SEPTIN2: variants seen among roughly 807,000 people sequenced by gnomAD.
SEPTIN2 encodes the protein septin-2.
A neutral mutation model predicts 46.5 loss-of-function variants in SEPTIN2; 34 were observed. The ratio of observed to expected loss-of-function variants is 0.73; its 90% CI spans 0.56 to 0.97. The LOEUF is 0.97. Among genes scored for constraint, SEPTIN2 ranks in the 50% least tolerant of loss-of-function variants. The pLI is 0.00. For synonymous variants in SEPTIN2, 175 were observed against 153.4 expected, an observed-to-expected ratio of 1.14 and a Z score of -1.04; for missense variants, 347 against 448.4, an observed-to-expected ratio of 0.77 and a Z score of 2.04.
chr2:241,315,414 G>A (rs931588461), upstream of SEPTIN2: 4 of 152,026 alleles, frequency 2.6e-5, no homozygotes, highest in African/African-American at 9.7e-5. Flanking sequence ...CAGGAGGAGA[G>A]GCGAAGGCTC....
chr2:241,338,142 A>C (rs1193383080), intron 7 of SEPTIN2, among the ~76,000 whole-genome samples: 1 of 152,176 alleles, frequency 6.6e-6, no homozygotes, highest in Non-Finnish European at 1.5e-5. Context: ...CTTTACTGCA[A>C]ATGACCCATA....
chr2:241,332,015 A>C (rs1490246337), intron 3 of SEPTIN2, among the ~76,000 whole-genome samples: 1 of 152,180 alleles, frequency 6.6e-6, no homozygotes, highest in Non-Finnish European at 1.5e-5. Flanking sequence ...CTAGATGATT[A>C]TGTGTGAAAA....
chr2:241,326,342 G>T (rs1323397192), intron 3 of SEPTIN2, among the ~76,000 whole-genome samples: 2 of 152,184 alleles, frequency 1.3e-5, no homozygotes, highest in African/African-American at 4.8e-5. Context: ...CATTGTGTCA[G>T]CTAGGCTCCA....
chr2:241,318,816 G>T (rs1178190293), intron 1 of SEPTIN2, among the ~76,000 whole-genome samples: 1 of 151,242 alleles, frequency 6.6e-6, no homozygotes, highest in Non-Finnish European at 1.5e-5. Context: ...TTCTGCCTCA[G>T]CCTCCTGGGT....
At chr2:241,323,247 T>C (rs1042881630) in intron 1 of SEPTIN2, among the ~76,000 whole-genome samples, 22 of 151,910 alleles carry the variant, frequency 1.4e-4, no homozygotes, top group African/African-American at 5.1e-4. Context: ...CTCGGCTCAC[T>C]GCAACCTCCG....
At chr2:241,331,231 A>T (rs1386171590) in intron 3 of SEPTIN2, among the ~76,000 whole-genome samples, 1 of 152,214 alleles carries the variant, frequency 6.6e-6, no homozygotes, top group Admixed American at 6.5e-5. Flanking sequence ...ATTTTAAGAC[A>T]GTACCACTTA....
At chr2:241,315,368 G>A (rs144138171), upstream of SEPTIN2, 1,798 of 152,174 alleles carry the variant, frequency 0.012, 16 homozygotes, top group South Asian at 0.021. Context: ...CGTACTCGGC[G>A]CCCCAGCTCG....
In SEPTIN2 at chr2:241,328,468, G is replaced by T. The variant is rs2078383231; in HGVS notation, c.130+2355G>T. Among the ~76,000 whole-genome samples the T allele has an allele frequency of 2.0e-5, 3 of 151,470 alleles. No homozygotes were observed. The South Asian group carries it at 6.2e-4, about 31-fold the overall frequency. Reference sequence around the variant, plus strand: ...TAAGTAGAAATTGGCTGGGTGTGGTGGCTCATGCCTGTAATCACAGCATCT... The same window carrying T: ...TAAGTAGAAATTGGCTGGGTGTGGTTGCTCATGCCTGTAATCACAGCATCT... On this transcript the variant is annotated intron_variant, in intron 3 of 12. Coordinates refer to ENST00000391971, the MANE Select transcript of SEPTIN2 (RefSeq NM_004404.5).
chr2:241,316,050 C>T lies in SEPTIN2; in HGVS notation c.-18+68C>T, dbSNP rs867566610. 103 of 155,092 alleles carry T rather than the reference C, an allele frequency of 6.6e-4. No individual in the cohort carries two copies. In the Middle Eastern group the frequency reaches 0.013, roughly 20 times the overall value. The allele number at this position is 155,092 out of a possible 1,614,324, so 9.6% of individuals were successfully genotyped here. A position where few individuals can be genotyped will look rare whatever the true frequency, so the allele number is the denominator to read the frequency against. On this transcript the variant is annotated intron_variant, in intron 1 of 12. Transcript: ENST00000391971. ...CCCTCCCGAGGAGCTGCGGGGGACG[C>T]GCCGCTCGTCCCATACTCTCGGGCG...
chr2:241,325,500 G>C lies in SEPTIN2; in HGVS notation c.10-493G>C, dbSNP rs118058385. On this transcript the variant is annotated intron_variant, in intron 2 of 12. Coordinates refer to ENST00000391971, the MANE Select transcript of SEPTIN2 (RefSeq NM_004404.5). ...CTATAGAGCTAGAAGCACAGCAAGA[G>C]AGATGCTTTTTTCCTCGATACTTTT... Among the ~76,000 whole-genome samples, 65 of 152,230 alleles carry C rather than the reference G, an allele frequency of 4.3e-4. 3 individuals carry two copies. In the East Asian group the frequency reaches 0.013, roughly 29 times the overall value.
intron 10 of SEPTIN2, among the ~76,000 whole-genome samples, chr2:241,347,227 C>CA (rs926645996): frequency 2.0e-5 from 3 of 152,004 alleles, no homozygotes; most frequent in Non-Finnish European, 4.4e-5. Flanking sequence ...GACTGGGCAA[C>CA]AGAGTGAGAC....
intron 1 of SEPTIN2, among the ~76,000 whole-genome samples, chr2:241,321,129 G>T (rs1408635194): frequency 6.6e-6 from 1 of 151,998 alleles, no homozygotes; most frequent in African/African-American, 2.4e-5. Flanking sequence ...ATTTTTTAAG[G>T]TATTGATTCA....
intron 1 of SEPTIN2, among the ~76,000 whole-genome samples, chr2:241,323,407 C>T (rs991164239): frequency 7.9e-5 from 12 of 151,104 alleles, no homozygotes; most frequent in African/African-American, 2.9e-4. Context: ...TGACCTCAAG[C>T]GCCACCATGC....
chr2:241,319,968 AT>A (rs928849260), intron 1 of SEPTIN2, among the ~76,000 whole-genome samples: 12 of 152,058 alleles, frequency 7.9e-5, no homozygotes, highest in African/African-American at 2.2e-4. Flanking sequence ...TTAATGCATG[AT>A]TTTTTTTCCC....
At chr2:241,348,316 C>T (rs2060459852) in intron 11 of SEPTIN2, 125 bp downstream of exon 11, 1 of 559,674 alleles carries the variant, frequency 1.8e-6, no homozygotes, top group Non-Finnish European at 3.0e-6. Context: ...CAACCTCTGC[C>T]TCCCGGGTTC....
At position 241,352,429 on chromosome 2, in the gene SEPTIN2, A is replaced by C. The variant is rs1200195546; in HGVS notation, c.*492A>C. On this transcript the variant is annotated 3_prime_UTR_variant, in exon 13 of 13. Transcript: ENST00000391971. ...GCTTACCACATCACACCACTTGGAG[A>C]TCTTTGCTTCCTTGCTTTTATGTTT... is the stretch of plus-strand genomic sequence containing the variant. The C allele has an allele frequency of 6.6e-6, 1 of 152,630 alleles. No homozygotes were observed. The highest frequency in any genetic ancestry group is 1.5e-5 in the Non-Finnish European group (1 of 68,026). 9.5% of individuals were successfully genotyped at this position (152,630 alleles called of 1,614,324 possible). A position where few individuals can be genotyped will look rare whatever the true frequency, so the allele number is the denominator to read the frequency against.
At chr2:241,327,225 A>G (rs2078145380) in intron 3 of SEPTIN2, among the ~76,000 whole-genome samples, 1 of 152,152 alleles carries the variant, frequency 6.6e-6, no homozygotes, top group Admixed American at 6.6e-5. Context: ...TCTCGATGGC[A>G]AAGAAGAACT....
intron 5 of SEPTIN2, chr2:241,336,846 A>T (rs1399110536): frequency 5.9e-6 from 1 of 170,324 alleles, no homozygotes; most frequent in Non-Finnish European, 1.4e-5. Flanking sequence ...CTGTAATCCC[A>T]GCACTTTGGG....
chr2:241,346,426 A>G, intron 10 of SEPTIN2, 177 bp downstream of exon 10: 1 of 459,254 alleles, frequency 2.2e-6, no homozygotes, highest in Non-Finnish European at 3.9e-6. Flanking sequence ...TAGCCTTTTT[A>G]AGAAAAAGTA....
Sources: gnomAD v4.1 joint callset for allele counts (sites outside exome capture counted in the v4.1 genomes callset) on GRCh38, gnomAD v4.1.1 for gene constraint, MANE v1.5 for transcripts, NCBI Gene and HGNC (gene_info 2026-07-23, HGNC 2026-07-21) for gene names.